Variants in FGFRL1 observed in about 807,000 individuals in gnomAD.
FGFRL1 encodes fibroblast growth factor receptor-like 1.
In FGFRL1, 24 loss-of-function variants were observed where a neutral mutation model predicts 36.8. The ratio of observed to expected loss-of-function variants is 0.65; its 90% confidence interval spans 0.47 to 0.92. The LOEUF (loss-of-function observed/expected upper bound fraction) is 0.92, where lower values mean the gene tolerates loss of function less well. FGFRL1 is among the 40% of genes least tolerant of loss of function. FGFRL1 has a pLI of 0.00. For missense variants in FGFRL1, 785 were observed against 753.4 expected (o/e 1.04, Z -0.49); for synonymous variants, 422 against 344.1 (o/e 1.23, Z -2.50).
At position 1,022,356 on chromosome 4, in the gene FGFRL1, G is replaced by T. The variant is rs763867368; in HGVS notation, c.233G>T (p.Arg78Leu). Residue 78 changes from arginine (R) to leucine (L), a missense_variant, in exon 3 of 7, where the codon CGC (arginine) becomes CTC (leucine). By Grantham distance (102) the Arg-to-Leu change is moderately radical. Transcript: ENST00000510644. The part of the protein sequence containing the change: ...RTIHSGWSRF[R>L]VLPQGLKVKQ... ...ATCCACAGCGGCTGGAGCCGCTTCC[G>T]CGTGCTGCCGCAGGGGCTGAAGGTG... 6.2e-7 allele frequency: 1 copy of T among 1,607,998 alleles called. No homozygotes were observed. The highest frequency in any genetic ancestry group is 8.5e-7 in the Non-Finnish European group (1 of 1,178,192).
intron 3 of FGFRL1, 106 bp downstream of exon 3, chr4:1,022,581 C>A: frequency 7.1e-7 from 1 of 1,403,634 alleles, no homozygotes; most frequent in Non-Finnish European, 9.4e-7. Context: ...CAGCCAGCCC[C>A]CGGCAGAAAG....
intron 2 of FGFRL1, among the ~76,000 whole-genome samples, chr4:1,016,943 C>T (rs886110676): frequency 7.2e-5 from 11 of 152,158 alleles, no homozygotes; most frequent in Non-Finnish European, 1.0e-4. Context: ...CCCTGGGGGC[C>T]TGGCACAGCC....
rs1052424420 is a variant in FGFRL1 at position 1,024,201 on chromosome 4, A to G, written c.718+100A>G. 1,171 of 374,052 alleles carry G rather than the reference A, an allele frequency of 3.1e-3. 10 individuals are homozygous for G. In the African/African-American group the frequency reaches 0.05, roughly 16 times the overall value. 23.2% of individuals were successfully genotyped at this position (374,052 alleles called of 1,614,324 possible). A position where few individuals can be genotyped will look rare whatever the true frequency, so the allele number is the denominator to read the frequency against. On this transcript the variant is annotated intron_variant, in intron 5 of 6. Coordinates refer to ENST00000510644, the MANE Select transcript of FGFRL1 (RefSeq NM_001004356.3). ...GGCGGGGGCGCTGGTGGGCGGGGGC[A>G]CTGGCAGGGCTTGGGGGTGGTGGGC...
Position 1,011,752 on chromosome 4 carries a change from C to A in FGFRL1, c.-219C>A. The A allele has an allele frequency of 1.4e-5, 2 of 142,326 alleles. No homozygotes were observed. Among genetic ancestry groups the A allele is most frequent in the South Asian group, 3.8e-4 (2 of 5,210 alleles). 8.8% of individuals were successfully genotyped at this position (142,326 alleles called of 1,614,324 possible). A position where few individuals can be genotyped will look rare whatever the true frequency, so the allele number is the denominator to read the frequency against. On this transcript the variant is annotated 5_prime_UTR_variant, in exon 1 of 7. Transcript: ENST00000510644. ...GACTCGCCCCCGCCGCCTGCCCGGTCCGGGACCCCGCGCCCCGAGCGCCCG... is the reference window on the plus strand; with the variant it reads ...GACTCGCCCCCGCCGCCTGCCCGGTACGGGACCCCGCGCCCCGAGCGCCCG...
At chr4:1,019,161 C>T (rs1417464199) in intron 2 of FGFRL1, among the ~76,000 whole-genome samples, 1 of 152,252 alleles carries the variant, frequency 6.6e-6, no homozygotes, top group Non-Finnish European at 1.5e-5. Flanking sequence ...TTGCTTGTAT[C>T]TGCCTGGGGC....
At chr4:1,019,102 T>A (rs1294605288) in intron 2 of FGFRL1, among the ~76,000 whole-genome samples, 1 of 152,232 alleles carries the variant, frequency 6.6e-6, no homozygotes, top group African/African-American at 2.4e-5. Flanking sequence ...TCTGTGCCTG[T>A]CATCCTGCAC....
At chr4:1,022,099 T>C in intron 2 of FGFRL1, 104 bp from the exon 3 acceptor site, 1 of 890,706 alleles carries the variant, frequency 1.1e-6, no homozygotes, top group Non-Finnish European at 1.6e-6. Context: ...CAGGTGGAGC[T>C]CAGGCCCGAG....
In FGFRL1 at chr4:1,015,183, C is replaced by T. The variant is rs561803837; in HGVS notation, c.79+2619C>T. 1.6e-4 allele frequency among the ~76,000 whole-genome samples: 25 copies of T among 152,330 alleles called. 1 individual carries two copies. In the South Asian group the frequency reaches 3.5e-3, roughly 21 times the overall value. On this transcript the variant is annotated intron_variant, in intron 2 of 6. Transcript: ENST00000510644. Reference sequence around the variant, plus strand: ...CTCTGTGCGGCCCGGGCTTGCTGCTCGGCCCAGGGTGGACTCCTTTGCCCC... The same window carrying T: ...CTCTGTGCGGCCCGGGCTTGCTGCTTGGCCCAGGGTGGACTCCTTTGCCCC...
At position 1,025,811 on chromosome 4, in the gene FGFRL1, TG is replaced by T. The variant is rs1180875211; in HGVS notation, c.*465del. 2.0e-5 allele frequency: 4 copies of T among 198,196 alleles called. No individual in the cohort carries two copies. The Admixed American group carries it at 2.2e-4, about 11-fold the overall frequency. The allele number at this position is 198,196 out of a possible 1,614,324, so 12.3% of individuals were successfully genotyped here. A position where few individuals can be genotyped will look rare whatever the true frequency, so the allele number is the denominator to read the frequency against. ...CGGACACACACGTGCACAGATATGC[TG>T]CCTGGACACACAGATAATGCTGCCT... is the stretch of plus-strand genomic sequence containing the variant. On this transcript the variant is annotated 3_prime_UTR_variant, in exon 7 of 7. Transcript: ENST00000510644.
At chr4:1,016,766 G>A (rs974640135) in intron 2 of FGFRL1, among the ~76,000 whole-genome samples, 1 of 152,146 alleles carries the variant, frequency 6.6e-6, no homozygotes, top group South Asian at 2.1e-4. Context: ...TGAGCGTCCC[G>A]GGGCTGGGGC....
intron 2 of FGFRL1, among the ~76,000 whole-genome samples, chr4:1,013,817 G>A (rs911618614): frequency 8.5e-5 from 13 of 152,406 alleles, no homozygotes; most frequent in Non-Finnish European, 1.3e-4. Context: ...GGCAGTGGGC[G>A]GCAGAGCCCG....
intron 1 of FGFRL1, chr4:1,012,211 A>G: frequency 2.7e-6 from 1 of 371,964 alleles, no homozygotes; most frequent in Non-Finnish European, 4.8e-6. Flanking sequence ...TCCTGCGGGC[A>G]GGGCCGGAGT....
At chr4:1,018,068 A>C (rs1420738562) in intron 2 of FGFRL1, among the ~76,000 whole-genome samples, 3 of 152,136 alleles carry the variant, frequency 2.0e-5, no homozygotes, top group Non-Finnish European at 2.9e-5. Flanking sequence ...CGGAGAGGGC[A>C]CTTCAGATGG....
intron 2 of FGFRL1, among the ~76,000 whole-genome samples, chr4:1,019,118 G>A (rs572171447): frequency 1.9e-4 from 29 of 152,314 alleles, no homozygotes; most frequent in East Asian, 9.6e-4. Flanking sequence ...TGCACCTCCC[G>A]CATGCCTTTG....
intron 2 of FGFRL1, among the ~76,000 whole-genome samples, chr4:1,019,756 G>A (rs952463484): frequency 6.6e-6 from 1 of 152,360 alleles, no homozygotes; most frequent in Non-Finnish European, 1.5e-5. Flanking sequence ...CAGGGCTGGG[G>A]CCCATGGCCT....
rs149112646 is a variant in FGFRL1 at position 1,024,460 on chromosome 4, G to A, written c.868G>A (p.Gly290Ser). 46 of 1,612,324 alleles carry A rather than the reference G, an allele frequency of 2.9e-5. No homozygotes were observed. Among genetic ancestry groups the A allele is most frequent in the Admixed American group, 1.2e-4 (7 of 59,994 alleles). The change falls in exon 6 of 7, where the codon GGC (glycine) becomes AGC (serine). Residue 290 changes from glycine to serine, a missense_variant. By Grantham distance (56) the Gly-to-Ser change is moderately conservative (BLOSUM62 0). Transcript: ENST00000510644. ...GAAGCGCGTGGAGTACGGCGCCGAG[G>A]GCCGCCACAACTCCACCATCGATGT... Reference protein sequence around the residue: ...WLKRVEYGAEGRHNSTIDVGG... With the variant: ...WLKRVEYGAESRHNSTIDVGG...
rs1431826145 is a variant in FGFRL1 at position 1,011,712 on chromosome 4, G to A, written c.-259G>A. ...CCGCCGCCCCGGGATCCCGGCCCCG[G>A]CCCCCGGCCCCGCGGACTCGCCCCC... On this transcript the variant is annotated 5_prime_UTR_variant, in exon 1 of 7. Transcript: ENST00000510644. 7.3e-6 allele frequency: 1 copy of A among 137,726 alleles called. No homozygotes were observed. The highest frequency in any genetic ancestry group is 1.6e-5 in the Non-Finnish European group (1 of 62,508). 8.5% of individuals were successfully genotyped at this position (137,726 alleles called of 1,614,324 possible).
At position 1,023,536 on chromosome 4, in the gene FGFRL1, G is replaced by A; in HGVS notation, c.353-105G>A. 1 of 1,047,722 alleles carries A rather than the reference G, an allele frequency of 9.5e-7. No individual in the cohort carries two copies. 64.9% of individuals were successfully genotyped at this position (1,047,722 alleles called of 1,614,324 possible). A position where few individuals can be genotyped will look rare whatever the true frequency, so the allele number is the denominator to read the frequency against. On this transcript the variant is annotated intron_variant, in intron 3 of 6. Transcript: ENST00000510644. This position sits in a 1 kb window ranked among gnomAD's most constrained non-coding sequence, Gnocchi z 6.0. ...GCAGCCCCCTGCCTGGGTGTCCAGG[G>A]CTGTCCCGGCTGGGGCTGGGGGAGC...
At chr4:1,013,937 C>T (rs1017314016) in intron 2 of FGFRL1, among the ~76,000 whole-genome samples, 7 of 152,250 alleles carry the variant, frequency 4.6e-5, no homozygotes, top group African/African-American at 1.2e-4. Context: ...AAGGCCCTGG[C>T]GGCACTGGGG....
Sources: allele counts gnomAD v4.1 joint callset (sites outside exome capture counted in the v4.1 genomes callset), GRCh38; gene constraint gnomAD v4.1.1; non-coding constraint Gnocchi (gnomAD v3.1); transcripts MANE v1.5; gene names NCBI Gene and HGNC (gene_info 2026-07-23, HGNC 2026-07-21).